Variants in RYR3 observed in about 807,000 individuals in gnomAD.
RYR3 encodes the protein ryanodine receptor 3.
A neutral mutation model predicts 584.3 loss-of-function variants in RYR3; 207 were observed. That is an observed-to-expected ratio of 0.35 (90% CI 0.32 to 0.40). RYR3 has a LOEUF of 0.40. RYR3 is among the 10% of genes least tolerant of loss of function. RYR3 has a pLI of 1.00. For missense variants in RYR3, 5,616 were observed against 6,089.2 expected, an observed-to-expected ratio of 0.92 and a Z score of 2.59; for synonymous variants, 2,416 against 2,248.5, an observed-to-expected ratio of 1.07 and a Z score of -2.11.
chr15:33,836,184 C>CT (rs2078037482), intron 87 of RYR3, among the ~76,000 whole-genome samples: 1 of 20,080 alleles, frequency 5.0e-5, no homozygotes, highest in Admixed American at 6.5e-4. Context: ...TATTTCTTTT[C>CT]TTTCCTTTTT....
At chr15:33,605,951 C>T (rs2059883449) in intron 18 of RYR3, among the ~76,000 whole-genome samples, 2 of 152,176 alleles carry the variant, frequency 1.3e-5, no homozygotes, top group African/African-American at 4.8e-5. Context: ...CAGGTCATTA[C>T]CTTTAAAGTT....
At chr15:33,478,766 C>A (rs140659430) in intron 2 of RYR3, among the ~76,000 whole-genome samples, 2 of 152,344 alleles carry the variant, frequency 1.3e-5, no homozygotes, top group African/African-American at 4.8e-5. Flanking sequence ...CAAATCCCAA[C>A]TTCCACCTTT....
chr15:33,332,238 A>G (rs1273961874), intron 1 of RYR3, among the ~76,000 whole-genome samples: 1 of 152,154 alleles, frequency 6.6e-6, no homozygotes, highest in African/African-American at 2.4e-5. Flanking sequence ...AATATTAATT[A>G]GAAATGAATA....
intron 61 of RYR3, 135 bp from the exon 62 acceptor site, chr15:33,768,977 C>T (rs1166331951): frequency 4.0e-6 from 3 of 748,890 alleles, no homozygotes; most frequent in Non-Finnish European, 7.1e-6. Flanking sequence ...TGCATTGTCG[C>T]TGAACACAGG....
intron 2 of RYR3, among the ~76,000 whole-genome samples, chr15:33,476,099 T>G (rs2049349262): frequency 6.6e-6 from 1 of 152,216 alleles, no homozygotes; most frequent in Non-Finnish European, 1.5e-5. Context: ...AGACCACGGA[T>G]CAGCCCCTGA....
chr15:33,804,581 GTAA>G (rs1287302875), intron 69 of RYR3, among the ~76,000 whole-genome samples: 1 of 152,186 alleles, frequency 6.6e-6, no homozygotes, highest in Non-Finnish European at 1.5e-5. Context: ...CTAGGATAGA[GTAA>G]TATTTGAGAA....
intron 63 of RYR3, 50 bp downstream of exon 63, chr15:33,772,208 T>C (rs1406753416): frequency 2.4e-6 from 3 of 1,232,524 alleles, no homozygotes; most frequent in South Asian, 2.5e-5. Context: ...TGGCCCCAGA[T>C]AGGAGGTGCA....
chr15:33,814,487 G>C (rs996040302), intron 74 of RYR3, among the ~76,000 whole-genome samples: 3 of 152,188 alleles, frequency 2.0e-5, no homozygotes, highest in African/African-American at 7.2e-5. Context: ...TCCTATGCTT[G>C]ACATTTTGTT....
intron 1 of RYR3, among the ~76,000 whole-genome samples, chr15:33,386,447 A>G (rs1032987910): frequency 2.0e-5 from 3 of 152,216 alleles, no homozygotes; most frequent in African/African-American, 7.2e-5. Flanking sequence ...TGGTGCACTC[A>G]AATCAAATTG....
chr15:33,535,473 A>G (rs1177668755), intron 5 of RYR3, among the ~76,000 whole-genome samples: 1 of 152,230 alleles, frequency 6.6e-6, no homozygotes, highest in Non-Finnish European at 1.5e-5. Context: ...CCAAAGTGTT[A>G]GTCTTAAAAT....
At chr15:33,322,894 T>C in intron 1 of RYR3, among the ~76,000 whole-genome samples, 1 of 151,654 alleles carries the variant, frequency 6.6e-6, no homozygotes, top group African/African-American at 2.4e-5. Context: ...TGTAAGCTCT[T>C]AACCACTCTG....
chr15:33,465,639 G>A (rs2596163), intron 1 of RYR3: 267,263 of 496,098 alleles, frequency 0.54, 73,588 homozygotes, highest in African/African-American at 0.73. Flanking sequence ...GAAATGATGC[G>A]ATCTCAGGTT....
At chr15:33,670,354 C>T in intron 37 of RYR3, 65 bp from the exon 38 acceptor site, 1 of 1,553,134 alleles carries the variant, frequency 6.4e-7, no homozygotes, top group Non-Finnish European at 8.8e-7. Context: ...TTTAAATGTT[C>T]TTTGTGACAC....
In RYR3 at chr15:33,785,673, C is replaced by G. The variant is rs752556324; in HGVS notation, c.9280C>G (p.Pro3094Ala). The part of the protein sequence containing the change: ...TPRERSILGM[P>A]DTVEDMCPDI... Reference sequence around the variant, plus strand: ...TTCCTCTCAATCAGTTCTGGGGATGCCAGACACGGTAGAAGACATGTGTCC... The same window carrying G: ...TTCCTCTCAATCAGTTCTGGGGATGGCAGACACGGTAGAAGACATGTGTCC... Residue 3094 changes from proline to alanine, a missense_variant, in exon 66 of 104, where the codon CCA becomes GCA. Physicochemically the swap from Pro to Ala is conservative, Grantham distance 27 (BLOSUM62 -1). Transcript: ENST00000634891. 1 of 1,592,616 alleles carries G rather than the reference C, an allele frequency of 6.3e-7. No homozygotes were observed. Among genetic ancestry groups the G allele is most frequent in the Non-Finnish European group, 8.6e-7 (1 of 1,167,830 alleles).
At chr15:33,569,476 T>C (rs1457624469) in intron 12 of RYR3, among the ~76,000 whole-genome samples, 1 of 152,186 alleles carries the variant, frequency 6.6e-6, no homozygotes, top group East Asian at 1.9e-4. Context: ...CAGTACCTCA[T>C]ATAAGTGGAA....
intron 12 of RYR3, 50 bp downstream of exon 12, chr15:33,566,849 T>C (rs1418650062): frequency 6.2e-7 from 1 of 1,603,500 alleles, no homozygotes; most frequent in African/African-American, 1.3e-5. Context: ...CTCTGTGGCC[T>C]GCCAACACCA....
In RYR3 at chr15:33,505,486, G is replaced by T. The variant is rs2052389965; in HGVS notation, c.279+1748G>T. ...TTCCACATACTCTCAAACACTTCCA[G>T]TTTAGGGAAACTTTGTTGTTGTTGA... On this transcript the variant is annotated intron_variant, in intron 3 of 103. Coordinates refer to ENST00000634891, the MANE Select transcript of RYR3 (RefSeq NM_001036.6). Among the ~76,000 whole-genome samples, 3 of 152,114 alleles carry T rather than the reference G, an allele frequency of 2.0e-5. No individual in the cohort carries two copies. The South Asian group carries it at 6.2e-4, about 31-fold the overall frequency.
Position 33,647,313 on chromosome 15 carries a change from G to A in RYR3, c.3942-111G>A, listed in dbSNP as rs1042975544. The A allele has an allele frequency of 1.8e-5, 14 of 798,208 alleles. No homozygotes were observed. In the East Asian group the frequency reaches 1.8e-4, roughly 10 times the overall value. The allele number at this position is 798,208 out of a possible 1,614,324, so 49.4% of individuals were successfully genotyped here. On this transcript the variant is annotated intron_variant, in intron 29 of 103. Coordinates refer to ENST00000634891, the MANE Select transcript of RYR3 (RefSeq NM_001036.6). ...TGCAATCACTTGTGTTTAGGGAGTA[G>A]CCAGTTTCCTAAACTTGACTTGATC...
chr15:33,816,701 T>C (rs2076831117), intron 74 of RYR3, among the ~76,000 whole-genome samples, 161 bp from the exon 75 acceptor site: 1 of 152,160 alleles, frequency 6.6e-6, no homozygotes, highest in Non-Finnish European at 1.5e-5. Context: ...GGGTTCTGGT[T>C]TCTTTGAAGT....
Sources: allele counts gnomAD v4.1 joint callset (sites outside exome capture counted in the v4.1 genomes callset), GRCh38; gene constraint gnomAD v4.1.1; transcripts MANE v1.5; gene names NCBI Gene and HGNC (gene_info 2026-07-23, HGNC 2026-07-21).